The following RYR3 variants were observed in gnomAD, a reference collection of about 807,000 sequenced individuals.
RYR3 encodes brain ryanodine receptor-calcium release channel.
RYR3 carries 207 observed loss-of-function variants against 584.3 expected under a neutral mutation model. The observed-to-expected ratio is 0.35, with a 90% CI of 0.32 to 0.40. The LOEUF is 0.40. RYR3 is among the 10% of genes least tolerant of loss of function. The probability of loss-of-function intolerance (pLI) is 1.00; values close to 1 mark genes in which losing one functional copy is unlikely to be tolerated. For missense variants in RYR3, 5,616 were observed against 6,089.2 expected, an observed-to-expected ratio of 0.92 and a Z score of 2.59; for synonymous variants, 2,416 against 2,248.5, an observed-to-expected ratio of 1.07 and a Z score of -2.11.
intron 69 of RYR3, among the ~76,000 whole-genome samples, chr15:33,803,246 C>T (rs2076009785): frequency 6.6e-6 from 1 of 152,194 alleles, no homozygotes; most frequent in Non-Finnish European, 1.5e-5. Flanking sequence ...CAAAGTAGAG[C>T]AATCACATTC....
At chr15:33,551,104 C>T (rs113660935) in intron 10 of RYR3, among the ~76,000 whole-genome samples, 12 of 152,198 alleles carry the variant, frequency 7.9e-5, no homozygotes, top group East Asian at 1.9e-4. Context: ...TCTAGCTGAA[C>T]GGTCAGAATT....
chr15:33,550,687 G>A (rs560774234), intron 10 of RYR3, among the ~76,000 whole-genome samples: 1 of 152,254 alleles, frequency 6.6e-6, no homozygotes, highest in South Asian at 2.1e-4. Flanking sequence ...GTAACATGGA[G>A]GCATGAGTTT....
chr15:33,754,341 C>T (rs1448005951), intron 57 of RYR3, among the ~76,000 whole-genome samples: 1 of 152,190 alleles, frequency 6.6e-6, no homozygotes, highest in Non-Finnish European at 1.5e-5. Context: ...CCTTCTCACT[C>T]AGAGCAAAAG....
At chr15:33,374,969 T>C (rs2040615561) in intron 1 of RYR3, among the ~76,000 whole-genome samples, 1 of 152,240 alleles carries the variant, frequency 6.6e-6, no homozygotes, top group South Asian at 2.1e-4. Context: ...TTATAATCAC[T>C]GCATTATTAA....
chr15:33,503,796 C>T (rs2052219749), intron 3 of RYR3, 58 bp downstream of exon 3: 5 of 968,380 alleles, frequency 5.2e-6, no homozygotes, highest in African/African-American at 1.6e-5. Flanking sequence ...CCCCAAAATA[C>T]GTTCTACATT....
intron 14 of RYR3, among the ~76,000 whole-genome samples, chr15:33,583,231 C>T (rs148286202): frequency 2.0e-3 from 303 of 152,266 alleles, no homozygotes; most frequent in African/African-American, 6.6e-3. Flanking sequence ...GACTCAAGAA[C>T]CACTGTCAAA....
chr15:33,649,235 G>T lies in RYR3; in HGVS notation c.4142G>T (p.Ser1381Ile), dbSNP rs1388022059. 6.2e-7 allele frequency: 1 copy of T among 1,610,498 alleles called. No individual in the cohort carries two copies. Residue 1381 changes from serine (S) to isoleucine (I), a missense_variant and splice_region_variant, in exon 31 of 104, where the codon AGT (serine) becomes ATT (isoleucine). Transcript: ENST00000634891. ...GATGAAAGAGGCCGGGTCCATGAAAGGTAAGGGGGCTCCCAAGTGGCAGGG... is the reference window on the plus strand; with the variant it reads ...GATGAAAGAGGCCGGGTCCATGAAATGTAAGGGGGCTCCCAAGTGGCAGGG... ...LGDERGRVHE[S>I]VKRSNCYMVW...
At chr15:33,856,650 T>TTTTGTTTG (rs779920872) in intron 98 of RYR3, 11 of 154,376 alleles carry the variant, frequency 7.1e-5, no homozygotes, top group African/African-American at 2.7e-4. Flanking sequence ...CCTTTGGGTT[T>TTTTGTTTG]TTTGTTTGTT....
chr15:33,582,427 T>C (rs980972038), intron 14 of RYR3, among the ~76,000 whole-genome samples: 2 of 152,202 alleles, frequency 1.3e-5, no homozygotes, highest in Non-Finnish European at 2.9e-5. Flanking sequence ...TTGAGGCTGA[T>C]TGGATTACCA....
At chr15:33,599,627 G>A (rs2059565359) in intron 16 of RYR3, among the ~76,000 whole-genome samples, 1 of 152,194 alleles carries the variant, frequency 6.6e-6, no homozygotes, top group South Asian at 2.1e-4. Flanking sequence ...GAGCAGAGGA[G>A]TGACTGAATA....
At chr15:33,435,721 T>G (rs1413148474) in intron 1 of RYR3, among the ~76,000 whole-genome samples, 2 of 152,156 alleles carry the variant, frequency 1.3e-5, no homozygotes, top group African/African-American at 4.8e-5. Flanking sequence ...CCCGGTAGGT[T>G]CCTGGTCTCA....
At chr15:33,340,461 A>G (rs1316216226) in intron 1 of RYR3, among the ~76,000 whole-genome samples, 1 of 152,218 alleles carries the variant, frequency 6.6e-6, no homozygotes, top group Non-Finnish European at 1.5e-5. Context: ...TAGGGATGCC[A>G]TTATAAAACA....
At chr15:33,721,003 A>G (rs543840351) in intron 43 of RYR3, among the ~76,000 whole-genome samples, 1 of 152,354 alleles carries the variant, frequency 6.6e-6, no homozygotes, top group African/African-American at 2.4e-5. Context: ...TCCCTCCAAA[A>G]TACAGAGCCT....
At position 33,644,309 on chromosome 15, in the gene RYR3, A is replaced by T; in HGVS notation, c.3557-2A>T. Reference sequence around the variant, plus strand: ...AAGCAGGTCTCTCTAACTCTTCTGCAGGCTTCGTGCCCATCTGCTGTCTGG... The same window carrying T: ...AAGCAGGTCTCTCTAACTCTTCTGCTGGCTTCGTGCCCATCTGCTGTCTGG... On this transcript the variant is annotated splice_acceptor_variant, in intron 27 of 103. Coordinates refer to ENST00000634891, the MANE Select transcript of RYR3 (RefSeq NM_001036.6). LOFTEE classifies it high-confidence loss of function. 6.2e-7 allele frequency: 1 copy of T among 1,607,410 alleles called. No homozygotes were observed. Among genetic ancestry groups the T allele is most frequent in the Non-Finnish European group, 8.5e-7 (1 of 1,176,924 alleles).
intron 43 of RYR3, among the ~76,000 whole-genome samples, chr15:33,718,115 G>T (rs964881188): frequency 6.6e-6 from 1 of 152,190 alleles, no homozygotes; most frequent in African/African-American, 2.4e-5. Context: ...AATTAAATGA[G>T]TGTCAGTACA....
intron 12 of RYR3, among the ~76,000 whole-genome samples, chr15:33,577,551 A>T (rs2058361208): frequency 6.6e-6 from 1 of 152,182 alleles, no homozygotes; most frequent in Admixed American, 6.5e-5. Flanking sequence ...ATGCTGGGAG[A>T]ACTGGCGAGC....
rs779196123 is a variant in RYR3, at chr15:33,613,231, C to G, written c.2213C>G (p.Ser738Trp). The G allele has an allele frequency of 6.2e-7, 1 of 1,613,862 alleles. No homozygotes were observed. Among genetic ancestry groups the G allele is most frequent in the Non-Finnish European group, 8.5e-7 (1 of 1,179,810 alleles). Residue 738 changes from serine to tryptophan, a missense_variant, in exon 19 of 104, where the codon TCG (serine) becomes TGG (tryptophan). By Grantham distance (177) the Ser-to-Trp change is radical. Coordinates refer to ENST00000634891, the MANE Select transcript of RYR3 (RefSeq NM_001036.6). ...TCCATCAACCAGCACCTCCTGAGAT[C>G]GGATGACGTGGTAAGCTGCTGCCTG... is the stretch of plus-strand genomic sequence containing the variant. ...VASINQHLLR[S>W]DDVVSCCLDL...
chr15:33,402,843 C>T (rs1010108508), intron 1 of RYR3, among the ~76,000 whole-genome samples: 2 of 152,260 alleles, frequency 1.3e-5, no homozygotes, highest in Admixed American at 6.5e-5. Flanking sequence ...AATCAAATGC[C>T]TTATGGGGCC....
At chr15:33,842,973 C>T (rs577928144) in intron 91 of RYR3, among the ~76,000 whole-genome samples, 2 of 152,116 alleles carry the variant, frequency 1.3e-5, no homozygotes, top group African/African-American at 4.8e-5. Flanking sequence ...TTTAAATCAA[C>T]ATTTTGGTTC....
Sources: gnomAD v4.1 joint callset for allele counts (sites outside exome capture counted in the v4.1 genomes callset) on GRCh38, gnomAD v4.1.1 for gene constraint, MANE v1.5 for transcripts, NCBI Gene and HGNC (gene_info 2026-07-23, HGNC 2026-07-21) for gene names.